Variants in CFAP53 observed in about 807,000 individuals in gnomAD.
CFAP53 encodes cilia- and flagella-associated protein 53.
Under a neutral mutation model 59.7 loss-of-function variants are expected in CFAP53, and 62 were observed. The ratio of observed to expected loss-of-function variants is 1.04; its 90% CI spans 0.85 to 1.28. The LOEUF (loss-of-function observed/expected upper bound fraction) is 1.28. Among genes scored for constraint, CFAP53 ranks in the 50% most tolerant of loss-of-function variants. The probability of loss-of-function intolerance (pLI) is 0.00; values close to 1 mark genes in which losing one functional copy is unlikely to be tolerated. For synonymous variants in CFAP53, 218 were observed against 205.7 expected (o/e 1.06, Z -0.51); for missense variants, 629 against 615.6 (o/e 1.02, Z -0.23).
intron 5 of CFAP53, among the ~76,000 whole-genome samples, chr18:50,244,721 A>G (rs1647096647): frequency 6.6e-6 from 1 of 152,106 alleles, no homozygotes; most frequent in South Asian, 2.1e-4. Context: ...AGAATCAGGC[A>G]ATCTGAGCAC....
At chr18:50,246,240 G>C (rs1486041315) in intron 5 of CFAP53, among the ~76,000 whole-genome samples, 1 of 152,154 alleles carries the variant, frequency 6.6e-6, no homozygotes, top group African/African-American at 2.4e-5. Flanking sequence ...CGGTAATCAA[G>C]ACATATAGAT....
At chr18:50,262,474 CA>C (rs2033903353) in intron 1 of CFAP53, among the ~76,000 whole-genome samples, 1 of 152,082 alleles carries the variant, frequency 6.6e-6, no homozygotes, top group Admixed American at 6.5e-5. Flanking sequence ...ATGGAAATTA[CA>C]AAGTTAAAAA....
intron 7 of CFAP53, among the ~76,000 whole-genome samples, chr18:50,231,575 C>T (rs2033584121): frequency 1.3e-5 from 2 of 152,314 alleles, no homozygotes; most frequent in South Asian, 4.1e-4. Flanking sequence ...GGTGAGGGAC[C>T]TGAGTTTACT....
At chr18:50,262,284 T>C (rs1568160241) in intron 1 of CFAP53, 65 bp from the exon 2 acceptor site, 3 of 1,361,524 alleles carry the variant, frequency 2.2e-6, no homozygotes, top group East Asian at 4.6e-5. Flanking sequence ...TTTCAATTAG[T>C]TATGCTCTCA....
At chr18:50,246,922 C>T (rs996456243) in intron 5 of CFAP53, among the ~76,000 whole-genome samples, 2 of 152,046 alleles carry the variant, frequency 1.3e-5, no homozygotes, top group African/African-American at 2.4e-5. Flanking sequence ...GTGGCAGGCA[C>T]CTGTAATCCC....
chr18:50,251,229 T>C (rs1290977069), intron 4 of CFAP53, among the ~76,000 whole-genome samples: 5 of 152,216 alleles, frequency 3.3e-5, no homozygotes, highest in Non-Finnish European at 7.3e-5. Flanking sequence ...AAACAGAAAC[T>C]ACTTTTAATC....
Position 50,261,207 on chromosome 18 carries a change from AT to A in CFAP53, c.329del (p.Asn110MetfsTer9). 6.5e-7 allele frequency: 1 copy of A among 1,540,750 alleles called. No individual in the cohort carries two copies. The highest frequency in any genetic ancestry group is 2.2e-5 in the Admixed American group (1 of 46,046). On this transcript the variant is annotated frameshift_variant, in exon 3 of 8. Transcript: ENST00000398545. LOFTEE classifies it high-confidence loss of function. ...TCAATTGCATTTCTGTAAAATACTCATTTTCTTCTAATGCTAAAAGCTCACG... is the reference window on the plus strand; with the variant it reads ...TCAATTGCATTTCTGTAAAATACTCATTTCTTCTAATGCTAAAAGCTCACG... Reference protein sequence around the residue: ...KLRELLALEENEYFTEMQLKK... With the variant: ...KLRELLALEEXEYFTEMQLKK...
Position 50,247,876 on chromosome 18 carries a change from T to C in CFAP53, c.996+2882A>G, listed in dbSNP as rs557234230. 2.6e-5 allele frequency among the ~76,000 whole-genome samples: 4 copies of C among 152,320 alleles called. No homozygotes were observed. In the South Asian group the frequency reaches 6.2e-4, roughly 24 times the overall value. On this transcript the variant is annotated intron_variant, in intron 5 of 7. Transcript: ENST00000398545. ...AATAAAATGTGATGACAGCTGCACA[T>C]ATCTGTGAAAACAGTAAAATCCACT...
chr18:50,236,317 A>T lies in CFAP53; in HGVS notation c.1316+2286T>A, dbSNP rs1054192879. Among the ~76,000 whole-genome samples, 4 of 152,218 alleles carry T rather than the reference A, an allele frequency of 2.6e-5. No homozygotes were observed. The South Asian group carries it at 8.3e-4, about 32-fold the overall frequency. On this transcript the variant is annotated intron_variant, in intron 7 of 7. Transcript: ENST00000398545. ...TACTTTCTCTAGTTAATCTGCCTGT[A>T]CCTACAACTGTCTTGGTAAATTCTT...
At chr18:50,251,845 G>C in intron 3 of CFAP53, 61 bp from the exon 4 acceptor site, 1 of 1,376,836 alleles carries the variant, frequency 7.3e-7, no homozygotes, top group South Asian at 1.3e-5. Context: ...CTCTATTGAG[G>C]CACACATCTG....
intron 5 of CFAP53, among the ~76,000 whole-genome samples, chr18:50,245,944 G>A (rs1274139787): frequency 6.6e-6 from 1 of 152,164 alleles, no homozygotes; most frequent in African/African-American, 2.4e-5. Flanking sequence ...GGGCTGGAGT[G>A]CAATGACACG....
intron 3 of CFAP53, among the ~76,000 whole-genome samples, chr18:50,254,052 GC>G (rs1347906570): frequency 2.6e-5 from 4 of 151,734 alleles, no homozygotes; most frequent in African/African-American, 9.7e-5. Context: ...AATATTAAAA[GC>G]TTTTGCTCTG....
chr18:50,230,113 T>C (rs1599111426), intron 7 of CFAP53, among the ~76,000 whole-genome samples: 1 of 152,216 alleles, frequency 6.6e-6, no homozygotes, highest in Non-Finnish European at 1.5e-5. Flanking sequence ...TCAGCTGTGG[T>C]ATAATAAGAA....
intron 5 of CFAP53, among the ~76,000 whole-genome samples, chr18:50,245,443 A>G (rs1413303293): frequency 5.9e-5 from 9 of 152,134 alleles, no homozygotes; most frequent in Admixed American, 5.9e-4. Context: ...TGCAGGATAC[A>G]AGACCAATAT....
chr18:50,246,915 G>A (rs1275490435), intron 5 of CFAP53, among the ~76,000 whole-genome samples: 2 of 152,114 alleles, frequency 1.3e-5, no homozygotes, highest in Non-Finnish European at 1.5e-5. Flanking sequence ...AGGCGTGGTG[G>A]CAGGCACCTG....
intron 4 of CFAP53, 126 bp downstream of exon 4, chr18:50,251,355 G>A (rs2033797233): frequency 9.8e-6 from 8 of 815,914 alleles, no homozygotes; most frequent in South Asian, 6.9e-5. Flanking sequence ...AGCACTAAGA[G>A]TCCAAAAATG....
chr18:50,240,633 CT>C (rs2144410296), intron 6 of CFAP53, among the ~76,000 whole-genome samples: 1 of 152,366 alleles, frequency 6.6e-6, no homozygotes, highest in South Asian at 2.1e-4. Context: ...TCTGTGCTGA[CT>C]TTTCCTCGTG....
rs771291429 is a variant in CFAP53, at chr18:50,227,443, G to A, written c.1483C>T (p.Gln495Ter). ...DKVQEVLSTHQVLPQNIHPMR... is the reference protein window; with the variant it reads ...DKVQEVLSTH ...GGATGAATGTTTTGAGGCAGCACTTGATGGGTGGACAGGACCTCCTGGACC... is the reference window on the plus strand; with the variant it reads ...GGATGAATGTTTTGAGGCAGCACTTAATGGGTGGACAGGACCTCCTGGACC... The change falls in exon 8 of 8, where the codon CAA (glutamine) becomes TAA (stop). Residue 495 changes from glutamine (Q) to a stop codon, truncating the protein, a stop_gained. Transcript: ENST00000398545. LOFTEE classifies it low-confidence loss of function (END_TRUNC). 46 of 1,614,094 alleles carry A rather than the reference G, an allele frequency of 2.8e-5. No homozygotes were observed. Among genetic ancestry groups the A allele is most frequent in the Non-Finnish European group, 3.6e-5 (43 of 1,180,040 alleles).
At chr18:50,260,280 A>G (rs1345167967) in intron 3 of CFAP53, among the ~76,000 whole-genome samples, 1 of 152,186 alleles carries the variant, frequency 6.6e-6, no homozygotes, top group Non-Finnish European at 1.5e-5. Context: ...GAGGGTCACC[A>G]TGGGTCTGGG....
Sources: gnomAD v4.1 joint callset for allele counts (sites outside exome capture counted in the v4.1 genomes callset) on GRCh38, gnomAD v4.1.1 for gene constraint, MANE v1.5 for transcripts, NCBI Gene and HGNC (gene_info 2026-07-23, HGNC 2026-07-21) for gene names.